The following OXR1 variants were observed in gnomAD, a reference collection of about 807,000 sequenced individuals.
OXR1 encodes oxidation resistance 1, also known as oxidation resistance protein 1.
Under a neutral mutation model 104.6 loss-of-function variants are expected in OXR1, and 41 were observed. The observed-to-expected ratio is 0.39, with a 90% confidence interval of 0.31 to 0.51. OXR1 has a LOEUF of 0.51. OXR1 is among the 20% of genes least tolerant of loss of function. The pLI is 0.77. For missense variants in OXR1, 955 were observed against 1,031.9 expected (o/e 0.93, Z 1.02); for synonymous variants, 348 against 348.4 (o/e 1.00, Z 0.01).
At chr8:106,517,369 A>C (rs1188789068) in intron 2 of OXR1, among the ~76,000 whole-genome samples, 1 of 152,204 alleles carries the variant, frequency 6.6e-6, no homozygotes, top group Non-Finnish European at 1.5e-5. Flanking sequence ...GTCATAGTTC[A>C]TGCATTTCCA....
chr8:106,508,030 T>TC (rs1316484235), intron 2 of OXR1, among the ~76,000 whole-genome samples: 1 of 152,106 alleles, frequency 6.6e-6, no homozygotes, highest in African/African-American at 2.4e-5. Flanking sequence ...TAACTCCTGC[T>TC]CCCCCTGGGG....
chr8:106,470,001 C>G (rs1472728995), intron 2 of OXR1, among the ~76,000 whole-genome samples: 4 of 151,640 alleles, frequency 2.6e-5, no homozygotes, highest in Non-Finnish European at 5.9e-5. Context: ...AGAACAAAAC[C>G]CCTTAGGTAG....
intron 2 of OXR1, among the ~76,000 whole-genome samples, chr8:106,484,583 G>A (rs1157376964): frequency 6.6e-6 from 1 of 151,958 alleles, no homozygotes; most frequent in Non-Finnish European, 1.5e-5. Context: ...CATATCATAT[G>A]TCATCAAGGA....
intron 2 of OXR1, among the ~76,000 whole-genome samples, chr8:106,488,080 A>T: frequency 6.8e-6 from 1 of 146,462 alleles, no homozygotes; most frequent in Non-Finnish European, 1.5e-5. Flanking sequence ...CCTCTCCAGC[A>T]CCTCTTGTTT....
chr8:106,343,729 G>A (rs1815353069), intron 1 of OXR1, among the ~76,000 whole-genome samples: 2 of 152,296 alleles, frequency 1.3e-5, no homozygotes, highest in Admixed American at 6.5e-5. Flanking sequence ...ACTCTTGCTG[G>A]AAGAATGGAC....
chr8:106,592,900 T>C (rs939592747), intron 3 of OXR1, among the ~76,000 whole-genome samples: 26 of 152,292 alleles, frequency 1.7e-4, no homozygotes, highest in African/African-American at 2.4e-4. Context: ...ACCATTTATA[T>C]AGACATTGCA....
chr8:106,306,432 A>C (rs1238079486), intron 1 of OXR1, among the ~76,000 whole-genome samples: 1 of 152,118 alleles, frequency 6.6e-6, no homozygotes, highest in African/African-American at 2.4e-5. Context: ...ATAGTTCAAG[A>C]TATTTACCAA....
At chr8:106,364,131 G>A (rs1274471596) in intron 2 of OXR1, among the ~76,000 whole-genome samples, 1 of 151,920 alleles carries the variant, frequency 6.6e-6, no homozygotes, top group Admixed American at 6.6e-5. Context: ...GCCTAAGTTG[G>A]GTAAGTTATT....
intron 3 of OXR1, among the ~76,000 whole-genome samples, chr8:106,546,946 C>T (rs1297521212): frequency 6.6e-6 from 1 of 152,156 alleles, no homozygotes; most frequent in Non-Finnish European, 1.5e-5. Flanking sequence ...GGCTGGAGTG[C>T]AGTGATGCAA....
chr8:106,389,160 G>T (rs893673425), intron 2 of OXR1, among the ~76,000 whole-genome samples: 16 of 152,094 alleles, frequency 1.1e-4, no homozygotes, highest in Non-Finnish European at 2.2e-4. Flanking sequence ...ATTAATTTTT[G>T]TAATGATGAC....
rs561979997 is a variant in OXR1 at position 106,508,662 on chromosome 8, C to A, written c.24-10281C>A. Among the ~76,000 whole-genome samples the A allele has an allele frequency of 2.0e-5, 3 of 152,302 alleles. No individual in the cohort carries two copies. The East Asian group carries it at 5.8e-4, about 29-fold the overall frequency. The stretch of plus-strand genomic sequence containing the variant: ...TAATGACTTAAGGATGTTTTATATT[C>A]ATCAATAGGATGATTTAGTTTGAAG... On this transcript the variant is annotated intron_variant, in intron 2 of 16. Coordinates refer to ENST00000517566, the MANE Select transcript of OXR1 (RefSeq NM_001198533.2).
intron 1 of OXR1, among the ~76,000 whole-genome samples, chr8:106,308,006 A>T (rs1813535096): frequency 7.0e-6 from 1 of 142,258 alleles, no homozygotes; most frequent in Admixed American, 6.8e-5. Context: ...GGACACACAC[A>T]CACACAAACA....
intron 2 of OXR1, among the ~76,000 whole-genome samples, chr8:106,366,263 A>G (rs1443829343): frequency 6.6e-6 from 1 of 152,222 alleles, no homozygotes; most frequent in African/African-American, 2.4e-5. Context: ...CAAATGAACC[A>G]TAATTTACTT....
rs568201540 is a variant in OXR1 at position 106,274,300 on chromosome 8, C to A, written c.-139+3933C>A. On this transcript the variant is annotated intron_variant, in intron 1 of 16. Coordinates refer to ENST00000517566, the MANE Select transcript of OXR1 (RefSeq NM_001198533.2). ...ATGTAATAAGATACTGTTCTAATAT[C>A]CCCTGCATGCAGGAGCTCAGAGCAC... is the stretch of plus-strand genomic sequence containing the variant. 3.3e-5 allele frequency among the ~76,000 whole-genome samples: 5 copies of A among 152,246 alleles called. No individual in the cohort carries two copies. In the East Asian group the frequency reaches 9.7e-4, roughly 29 times the overall value.
intron 1 of OXR1, among the ~76,000 whole-genome samples, chr8:106,355,797 A>G (rs1326313597): frequency 6.6e-6 from 1 of 151,990 alleles, no homozygotes; most frequent in Non-Finnish European, 1.5e-5. Flanking sequence ...ATCAAATTCC[A>G]AGTTGGTAGT....
chr8:106,559,520 G>C (rs1351105291), intron 3 of OXR1, among the ~76,000 whole-genome samples: 1 of 152,078 alleles, frequency 6.6e-6, no homozygotes, highest in Non-Finnish European at 1.5e-5. Context: ...ACCAATTTCT[G>C]TCTTAATCCA....
chr8:106,694,476 T>C (rs943287780), intron 7 of OXR1, among the ~76,000 whole-genome samples: 17 of 116,656 alleles, frequency 1.5e-4, no homozygotes, highest in African/African-American at 7.1e-4. Flanking sequence ...AATATATTTA[T>C]ATATATATTT....
chr8:106,742,860 G>A (rs994443450), intron 15 of OXR1, among the ~76,000 whole-genome samples: 1 of 152,076 alleles, frequency 6.6e-6, no homozygotes, highest in African/African-American at 2.4e-5. Flanking sequence ...AGAAAATCTA[G>A]GCAATACCAT....
intron 3 of OXR1, among the ~76,000 whole-genome samples, chr8:106,653,757 G>A (rs1824823012): frequency 6.6e-6 from 1 of 151,472 alleles, no homozygotes; most frequent in African/African-American, 2.4e-5. Context: ...AATTAGGCAA[G>A]AAAAAAAGGC....
Sources: allele counts gnomAD v4.1 joint callset (sites outside exome capture counted in the v4.1 genomes callset), GRCh38; gene constraint gnomAD v4.1.1; transcripts MANE v1.5; gene names NCBI Gene and HGNC (gene_info 2026-07-23, HGNC 2026-07-21).